The following CBLIF variants were observed in gnomAD, a reference collection of about 807,000 sequenced individuals.
CBLIF encodes gastric intrinsic factor (vitamin B synthesis).
CBLIF carries 24 observed loss-of-function variants against 44.9 expected under a neutral mutation model. That is an observed-to-expected ratio of 0.53 (90% CI 0.39 to 0.75). The LOEUF (loss-of-function observed/expected upper bound fraction) is 0.75. Ranked by LOEUF, CBLIF falls within the 30% of genes least tolerant of loss-of-function variation. CBLIF has a pLI of 0.00. For synonymous variants in CBLIF, 183 were observed against 190.9 expected (o/e 0.96, Z 0.34); for missense variants, 481 against 513.0 (o/e 0.94, Z 0.60).
rs1322622501 is a variant in CBLIF at position 59,843,979 on chromosome 11, G to A, written c.156C>T (p.Tyr52=). The change falls in exon 2 of 9, where the codon TAC becomes TAT. Residue 52 remains tyrosine, a synonymous_variant. Transcript: ENST00000257248. ...LMENSVTSSA[Y]PNPSILIAMN... ...TGGCAATCAGGATGCTGGGGTTTGGGTAGGCTGATGAAGTCACCGAGTTCT... is the reference window on the plus strand; with the variant it reads ...TGGCAATCAGGATGCTGGGGTTTGGATAGGCTGATGAAGTCACCGAGTTCT... 3 of 1,613,388 alleles carry A rather than the reference G, an allele frequency of 1.9e-6. No individual in the cohort carries two copies. The African/African-American group carries it at 4.0e-5, about 22-fold the overall frequency.
intron 6 of CBLIF, 98 bp downstream of exon 6, chr11:59,837,076 A>G: frequency 2.1e-6 from 2 of 933,100 alleles, no homozygotes; most frequent in South Asian, 2.6e-5. Flanking sequence ...CATGGGAATA[A>G]TGGACATTAC....
In CBLIF at chr11:59,835,959, AG is replaced by A. The variant is rs1205504657; in HGVS notation, c.921del (p.Ser308LeufsTer11). The part of the protein sequence containing the change: ...TLPSNPGPGP[T>X]SASNITVIYT... ...TATATGACAGTGATGTTAGATGCAG[AG>A]GTGGGGCCAGGGCCAGGGTTGCTGG... is the stretch of plus-strand genomic sequence containing the variant. On this transcript the variant is annotated frameshift_variant, in exon 7 of 9. Coordinates refer to ENST00000257248, the MANE Select transcript of CBLIF (RefSeq NM_005142.3). LOFTEE classifies it high-confidence loss of function. The A allele has an allele frequency of 6.2e-7, 1 of 1,614,030 alleles. No individual in the cohort carries two copies. The highest frequency in any genetic ancestry group is 1.3e-5 in the African/African-American group (1 of 74,908).
chr11:59,834,303 T>TTCCTTCCTTCCTTCCTTC (rs1866421110), intron 7 of CBLIF, among the ~76,000 whole-genome samples: 1 of 81,782 alleles, frequency 1.2e-5, no homozygotes, highest in African/African-American at 5.7e-5. Context: ...TTTCTTTCTT[T>TTCCTTCCTTCCTTCCTTC]CTTTCTTTCT....
chr11:59,831,651 T>A, intron 8 of CBLIF, 27 bp downstream of exon 8: 1 of 938,958 alleles, frequency 1.1e-6, no homozygotes, highest in Non-Finnish European at 1.8e-6. Context: ...CTATGGAAGA[T>A]AACGCCTATG....
chr11:59,830,733 C>T (rs1866363118), intron 8 of CBLIF, among the ~76,000 whole-genome samples: 1 of 152,108 alleles, frequency 6.6e-6, no homozygotes, highest in Non-Finnish European at 1.5e-5. Context: ...CCAATCCTTA[C>T]AATAACCCAA....
At chr11:59,843,629 C>G (rs1866568160) in intron 2 of CBLIF, among the ~76,000 whole-genome samples, 1 of 152,146 alleles carries the variant, frequency 6.6e-6, no homozygotes, top group Admixed American at 6.5e-5. Context: ...CGTGGCAGAG[C>G]CAGAACCAGA....
chr11:59,835,507 C>A (rs1429997033), intron 7 of CBLIF, among the ~76,000 whole-genome samples: 4 of 152,198 alleles, frequency 2.6e-5, no homozygotes, highest in African/African-American at 9.7e-5. Context: ...CTTCCCACAT[C>A]TTCCTAAATA....
At chr11:59,829,685 A>G (rs1196869367) in intron 8 of CBLIF, 140 bp from the exon 9 acceptor site, 1 of 687,328 alleles carries the variant, frequency 1.5e-6, no homozygotes, top group Non-Finnish European at 2.7e-6. Flanking sequence ...AGAAATAAGC[A>G]GTTTGATTAT....
At position 59,841,336 on chromosome 11, in the gene CBLIF, A is replaced by C. The variant is rs1866525872; in HGVS notation, c.512-12T>G. On this transcript the variant is annotated splice_polypyrimidine_tract_variant and intron_variant, in intron 4 of 8. Coordinates refer to ENST00000257248, the MANE Select transcript of CBLIF (RefSeq NM_005142.3). The stretch of plus-strand genomic sequence containing the variant: ...CATTGCTCCTGTGTCTGTGAATGAC[A>C]GAGGGTATAAGATCACCATAGTCAC... The C allele has an allele frequency of 1.3e-6, 2 of 1,590,582 alleles. No individual in the cohort carries two copies.
intron 7 of CBLIF, among the ~76,000 whole-genome samples, chr11:59,832,203 C>T (rs921682117): frequency 5.3e-5 from 8 of 152,028 alleles, no homozygotes; most frequent in African/African-American, 1.7e-4. Flanking sequence ...AGGCCATTAT[C>T]CTTAGCAAAC....
intron 1 of CBLIF, 188 bp downstream of exon 1, chr11:59,845,187 T>C (rs1307556716): frequency 9.3e-6 from 7 of 750,656 alleles, no homozygotes; most frequent in Non-Finnish European, 1.5e-5. Flanking sequence ...AAAAAACATA[T>C]AGACTTGTCT....
Position 59,845,441 on chromosome 11 carries a change from C to G in CBLIF, c.13G>C (p.Ala5Pro), listed in dbSNP as rs199928364. The part of the protein sequence containing the change: MAWF[A>P]LYLLSLLWAT... Reference sequence around the variant, plus strand: ...CAGAGAAGGCTCAGGAGGTAGAGGGCAAACCAGGCCATCTCACTCTCTCGT... The same window carrying G: ...CAGAGAAGGCTCAGGAGGTAGAGGGGAAACCAGGCCATCTCACTCTCTCGT... Residue 5 changes from alanine to proline, a missense_variant, in exon 1 of 9, where the codon GCC (alanine) becomes CCC (proline). By Grantham distance (27) the Ala-to-Pro change is conservative. Coordinates refer to ENST00000257248, the MANE Select transcript of CBLIF (RefSeq NM_005142.3). 1.9e-6 allele frequency: 3 copies of G among 1,608,334 alleles called. No homozygotes were observed. In the African/African-American group the frequency reaches 4.0e-5, roughly 22 times the overall value.
At chr11:59,844,318 A>T (rs1387408873) in intron 1 of CBLIF, among the ~76,000 whole-genome samples, 1 of 151,930 alleles carries the variant, frequency 6.6e-6, no homozygotes, top group African/African-American at 2.4e-5. Context: ...TTGTATTTTT[A>T]GTAGAGATGG....
In CBLIF at chr11:59,843,088, G is replaced by A. The variant is rs1866558759; in HGVS notation, c.310C>T (p.Arg104Ter). The change falls in exon 3 of 9, where the codon CGA becomes TGA. Residue 104 changes from arginine (R) to a stop codon, truncating the protein, a stop_gained. Transcript: ENST00000257248. LOFTEE classifies it high-confidence loss of function. Reference sequence around the variant, plus strand: ...ATGGATACTTTATCCCCAGGGTCTCGGCAGGAGGAGGTGAGGGCCATGATG... The same window carrying A: ...ATGGATACTTTATCCCCAGGGTCTCAGCAGGAGGAGGTGAGGGCCATGATG... The part of the protein sequence containing the change: ...LTIMALTSSC[R>*]DPGDKVSILQ... 2.5e-6 allele frequency: 4 copies of A among 1,613,846 alleles called. No homozygotes were observed. The highest frequency in any genetic ancestry group is 3.4e-6 in the Non-Finnish European group (4 of 1,179,790).
At chr11:59,838,681 T>A (rs139242156) in intron 5 of CBLIF, among the ~76,000 whole-genome samples, 193 of 152,228 alleles carry the variant, frequency 1.3e-3, no homozygotes, top group African/African-American at 3.9e-3. Context: ...CAATATCTTG[T>A]CCACTTGTCA....
At chr11:59,832,778 A>T (rs1410199639) in intron 7 of CBLIF, among the ~76,000 whole-genome samples, 1 of 152,216 alleles carries the variant, frequency 6.6e-6, no homozygotes, top group Non-Finnish European at 1.5e-5. Flanking sequence ...TTTTGAAAAC[A>T]CCTATTAATA....
intron 8 of CBLIF, 131 bp downstream of exon 8, chr11:59,831,547 A>G: frequency 1.6e-6 from 1 of 614,430 alleles, no homozygotes; most frequent in Admixed American, 2.5e-5. Flanking sequence ...CTGTTTATAG[A>G]ATTATTGTAT....
chr11:59,830,208 T>C (rs926736718), intron 8 of CBLIF, among the ~76,000 whole-genome samples: 4 of 151,576 alleles, frequency 2.6e-5, no homozygotes, highest in African/African-American at 9.8e-5. Context: ...ATATGCCTGA[T>C]TTAAGTTCCT....
chr11:59,843,254 T>C, intron 2 of CBLIF, 113 bp from the exon 3 acceptor site: 2 of 712,052 alleles, frequency 2.8e-6, no homozygotes. Context: ...TTTTTAATAA[T>C]ATGAGCAGTT....
Sources: gnomAD v4.1 joint callset for allele counts (sites outside exome capture counted in the v4.1 genomes callset) on GRCh38, gnomAD v4.1.1 for gene constraint, MANE v1.5 for transcripts, NCBI Gene and HGNC (gene_info 2026-07-23, HGNC 2026-07-21) for gene names.